Variants in ANO4 observed in about 807,000 individuals in gnomAD.
ANO4 encodes anoctamin 4.
Under a neutral mutation model 141.9 loss-of-function variants are expected in ANO4, and 69 were observed. That is an observed-to-expected ratio of 0.49 (90% CI 0.40 to 0.59). The LOEUF (loss-of-function observed/expected upper bound fraction) is 0.59, where lower values mean the gene tolerates loss of function less well. Among genes scored for constraint, ANO4 ranks in the 20% least tolerant of loss-of-function variants. The pLI is 0.00. For missense variants in ANO4, 894 were observed against 1,162.2 expected, an observed-to-expected ratio of 0.77 and a Z score of 3.36; for synonymous variants, 350 against 394.3, an observed-to-expected ratio of 0.89 and a Z score of 1.33.
intron 1 of ANO4, among the ~76,000 whole-genome samples, chr12:100,880,074 A>G (rs1010008081): frequency 2.0e-5 from 3 of 152,188 alleles, no homozygotes; most frequent in African/African-American, 4.8e-5. Flanking sequence ...GTGATATAGC[A>G]CAGTACACAT....
chr12:100,907,642 G>T (rs1335872015), intron 2 of ANO4, among the ~76,000 whole-genome samples: 2 of 152,166 alleles, frequency 1.3e-5, no homozygotes, highest in Non-Finnish European at 2.9e-5. Context: ...GCAGATATAG[G>T]TTAGCATTCT....
chr12:100,935,737 T>C (rs550713227), intron 3 of ANO4, among the ~76,000 whole-genome samples: 2 of 152,354 alleles, frequency 1.3e-5, no homozygotes, highest in African/African-American at 4.8e-5. Context: ...CAGCTCAGTG[T>C]CTGCCCGTGG....
intron 3 of ANO4, among the ~76,000 whole-genome samples, chr12:100,762,371 A>G (rs930183393): frequency 1.3e-5 from 2 of 152,264 alleles, no homozygotes; most frequent in East Asian, 1.9e-4. Context: ...TAGCCACCTC[A>G]GGCACAATTT....
At chr12:100,918,197 C>T (rs1040708644) in intron 2 of ANO4, among the ~76,000 whole-genome samples, 8 of 152,078 alleles carry the variant, frequency 5.3e-5, no homozygotes, top group East Asian at 1.9e-4. Flanking sequence ...CATGGTGGTG[C>T]GCACCTGTAG....
At chr12:101,036,133 T>C (rs900058417) in intron 9 of ANO4, among the ~76,000 whole-genome samples, 6 of 152,306 alleles carry the variant, frequency 3.9e-5, no homozygotes, top group Middle Eastern at 3.4e-3. Flanking sequence ...ATCAGAGATA[T>C]GCAAATCAAA....
intron 1 of ANO4, among the ~76,000 whole-genome samples, chr12:100,901,203 G>A (rs12820731): frequency 0.027 from 4,133 of 152,232 alleles, 186 homozygotes; most frequent in East Asian, 0.18. Flanking sequence ...TTTGCTTTTG[G>A]TATGTTTGAA....
At chr12:100,930,890 C>G (rs2042063805) in intron 3 of ANO4, among the ~76,000 whole-genome samples, 1 of 152,088 alleles carries the variant, frequency 6.6e-6, no homozygotes, top group South Asian at 2.1e-4. Flanking sequence ...TGAGCCTTGC[C>G]CGCTCAGTTG....
intron 1 of ANO4, among the ~76,000 whole-genome samples, chr12:100,729,893 T>C (rs1593236754): frequency 6.6e-6 from 1 of 152,340 alleles, no homozygotes; most frequent in East Asian, 1.9e-4. Context: ...ATTGCCATAG[T>C]TTTGCTGTTC....
chr12:100,860,294 T>C (rs2038402237), intron 1 of ANO4, among the ~76,000 whole-genome samples: 2 of 152,292 alleles, frequency 1.3e-5, no homozygotes, highest in East Asian at 3.9e-4. Context: ...TAATTCAAAG[T>C]TGATTATCTC....
chr12:100,971,748 G>A (rs1216773839), intron 6 of ANO4, among the ~76,000 whole-genome samples: 2 of 151,920 alleles, frequency 1.3e-5, no homozygotes, highest in East Asian at 3.9e-4. Context: ...AGTTGCACAG[G>A]GGCATGTTTT....
At chr12:101,014,514 G>A (rs1465039854) in intron 8 of ANO4, among the ~76,000 whole-genome samples, 3 of 152,172 alleles carry the variant, frequency 2.0e-5, no homozygotes, top group Admixed American at 6.6e-5. Context: ...ATGGAGATAT[G>A]CAGAAAGCCC....
intron 3 of ANO4, among the ~76,000 whole-genome samples, chr12:100,771,068 T>A (rs2033277027): frequency 6.6e-6 from 1 of 152,194 alleles, no homozygotes; most frequent in Admixed American, 6.5e-5. Flanking sequence ...CAAATCTAAG[T>A]TATTTAAAAA....
chr12:100,775,367 G>A lies in ANO4; in HGVS notation c.358+35262G>A, dbSNP rs144979372. 9.2e-5 allele frequency among the ~76,000 whole-genome samples: 14 copies of A among 152,294 alleles called. No individual in the cohort carries two copies. The East Asian group carries it at 1.2e-3, about 13-fold the overall frequency. On this transcript the variant is annotated intron_variant, in intron 3 of 29. Coordinates refer to the ANO4 transcript ENST00000644049. The stretch of plus-strand genomic sequence containing the variant: ...CATAGACCCAAACTGAGACCCTCTC[G>A]TCTAAGAGAAAACCAATCCATGGTT...
chr12:100,946,236 A>T (rs1299577490), intron 5 of ANO4, among the ~76,000 whole-genome samples: 1 of 152,148 alleles, frequency 6.6e-6, no homozygotes, highest in Admixed American at 6.5e-5. Context: ...TCACTGGGGG[A>T]TGTTAGCTTT....
intron 3 of ANO4, among the ~76,000 whole-genome samples, chr12:100,740,922 C>T (rs924502563): frequency 7.9e-5 from 12 of 152,152 alleles, no homozygotes; most frequent in Non-Finnish European, 1.6e-4. Context: ...TGTACTCTTG[C>T]AAACGCTGAA....
chr12:100,911,395 T>C (rs527897500), intron 2 of ANO4, among the ~76,000 whole-genome samples: 1 of 152,264 alleles, frequency 6.6e-6, no homozygotes, highest in African/African-American at 2.4e-5. Flanking sequence ...CCTTAGAAAA[T>C]TTAAATTAAA....
chr12:100,736,762 C>T (rs189467543), intron 2 of ANO4, among the ~76,000 whole-genome samples: 118 of 152,226 alleles, frequency 7.8e-4, no homozygotes, highest in African/African-American at 2.6e-3. Flanking sequence ...GACACAGAGA[C>T]CATACAGAGA....
intron 1 of ANO4, among the ~76,000 whole-genome samples, chr12:100,882,837 T>C (rs2135961613): frequency 6.6e-6 from 1 of 152,126 alleles, no homozygotes; most frequent in South Asian, 2.1e-4. Flanking sequence ...GTAGCTAGGA[T>C]TATAGGCACC....
At chr12:100,730,849 C>T (rs897978219) in intron 1 of ANO4, among the ~76,000 whole-genome samples, 1 of 152,148 alleles carries the variant, frequency 6.6e-6, no homozygotes, top group East Asian at 1.9e-4. Context: ...AAAATATTTC[C>T]TAGCATTTAC....
Sources: allele counts gnomAD v4.1 joint callset (sites outside exome capture counted in the v4.1 genomes callset), GRCh38; gene constraint gnomAD v4.1.1; transcripts MANE v1.5; gene names NCBI Gene and HGNC (gene_info 2026-07-23, HGNC 2026-07-21).